Variants in KCNQ1 observed in about 807,000 individuals in gnomAD.
KCNQ1 encodes potassium voltage-gated channel subfamily KQT member 1.
KCNQ1 carries 49 observed loss-of-function variants against 72.4 expected under a neutral mutation model. The observed-to-expected ratio is 0.68, with a 90% CI of 0.54 to 0.86. The LOEUF (loss-of-function observed/expected upper bound fraction) is 0.86, where lower values mean the gene tolerates loss of function less well. Among genes scored for constraint, KCNQ1 ranks in the 40% least tolerant of loss-of-function variants. The pLI, the probability that KCNQ1 is intolerant of heterozygous loss-of-function variation, is 0.00. For synonymous variants in KCNQ1, 450 were observed against 412.6 expected (o/e 1.09, Z -1.10); for missense variants, 790 against 945.1 (o/e 0.84, Z 2.15).
At chr11:2,811,041 C>T (rs540577342) in intron 15 of KCNQ1, among the ~76,000 whole-genome samples, 1 of 152,340 alleles carries the variant, frequency 6.6e-6, no homozygotes, top group South Asian at 2.1e-4. Flanking sequence ...TTAGACTCAC[C>T]CCCGCCCAGT....
intron 2 of KCNQ1, among the ~76,000 whole-genome samples, chr11:2,539,312 G>T (rs976403822): frequency 1.3e-5 from 2 of 152,218 alleles, no homozygotes; most frequent in Non-Finnish European, 2.9e-5. Flanking sequence ...ACCTGCTGCT[G>T]CCTGAAGAGT....
rs1014181049 is a variant in KCNQ1 at position 2,803,425 on chromosome 11, C to T, written c.1794+25388C>T. 6.6e-6 allele frequency among the ~76,000 whole-genome samples: 1 copy of T among 152,186 alleles called. No individual in the cohort carries two copies. Among genetic ancestry groups the T allele is most frequent in the African/African-American group, 2.4e-5 (1 of 41,448 alleles). ...ATGATATTCCCTCCAGACCACGGTGCCTTCTGGGCTCTGGAGAATGCACCT... is the reference window on the plus strand; with the variant it reads ...ATGATATTCCCTCCAGACCACGGTGTCTTCTGGGCTCTGGAGAATGCACCT... On this transcript the variant is annotated intron_variant, in intron 15 of 15. Transcript: ENST00000155840. The surrounding 1 kb of genome is among the most constrained non-coding windows in gnomAD (Gnocchi z 6.4).
intron 11 of KCNQ1, chr11:2,686,624 C>G (rs1315810152): frequency 2.5e-6 from 1 of 398,526 alleles, no homozygotes; most frequent in Non-Finnish European, 4.4e-6. Flanking sequence ...AGCGTGGCTG[C>G]CCTCAGGCCC....
Position 2,682,912 on chromosome 11 carries a change from C to T in KCNQ1, c.1514+20831C>T. On this transcript the variant is annotated intron_variant, in intron 11 of 15. Coordinates refer to ENST00000155840, the MANE Select transcript of KCNQ1 (RefSeq NM_000218.3). This position sits in a 1 kb window ranked among gnomAD's most constrained non-coding sequence, Gnocchi z 5.8. ...TGTTCCCAGACAGAAAATGGTGGCA[C>T]CTGGAGAGGTGCTCAGGTCTGTGTG... 1 of 398,590 alleles carries T rather than the reference C, an allele frequency of 2.5e-6. No individual in the cohort carries two copies. The highest frequency in any genetic ancestry group is 4.4e-6 in the Non-Finnish European group (1 of 226,100). 24.7% of individuals were successfully genotyped at this position (398,590 alleles called of 1,614,324 possible).
chr11:2,521,059 T>C lies in KCNQ1; in HGVS notation c.387-6869T>C, dbSNP rs1028244684. Among the ~76,000 whole-genome samples, 2 of 152,232 alleles carry C rather than the reference T, an allele frequency of 1.3e-5. 1 individual carries two copies. Reference sequence around the variant, plus strand: ...TGCTTTAAAAAAAGTTTTTTTTTTATTGTGATAAAATACACATAACACACA... The same window carrying C: ...TGCTTTAAAAAAAGTTTTTTTTTTACTGTGATAAAATACACATAACACACA... On this transcript the variant is annotated intron_variant, in intron 1 of 15. Coordinates refer to ENST00000155840, the MANE Select transcript of KCNQ1 (RefSeq NM_000218.3).
chr11:2,494,146 C>T lies in KCNQ1; in HGVS notation c.387-33782C>T, dbSNP rs1846875046. Among the ~76,000 whole-genome samples the T allele has an allele frequency of 6.6e-6, 1 of 151,994 alleles. No homozygotes were observed. The highest frequency in any genetic ancestry group is 2.4e-5 in the African/African-American group (1 of 41,384). ...GATTCACTCATGATTTGGCTCTCTG[C>T]TTGTCTATTTTTGGTGTATAGGAAT... On this transcript the variant is annotated intron_variant, in intron 1 of 15. Transcript: ENST00000155840. This position sits in a 1 kb window ranked among gnomAD's most constrained non-coding sequence, Gnocchi z 4.6.
chr11:2,785,248 C>A lies in KCNQ1; in HGVS notation c.1794+7211C>A, dbSNP rs1412971345. Reference sequence around the variant, plus strand: ...CTCTTTCTGTGTCTAGTGAGATGGTCCTGTGGTTTTTATTCCTTATTCTAC... The same window carrying A: ...CTCTTTCTGTGTCTAGTGAGATGGTACTGTGGTTTTTATTCCTTATTCTAC... On this transcript the variant is annotated intron_variant, in intron 15 of 15. Transcript: ENST00000155840. This position sits in a 1 kb window ranked among gnomAD's most constrained non-coding sequence, Gnocchi z 4.4. Among the ~76,000 whole-genome samples, 2 of 151,772 alleles carry A rather than the reference C, an allele frequency of 1.3e-5. No individual in the cohort carries two copies. Among genetic ancestry groups the A allele is most frequent in the Non-Finnish European group, 2.9e-5 (2 of 67,798 alleles).
intron 15 of KCNQ1, among the ~76,000 whole-genome samples, chr11:2,810,726 G>C (rs531081916): frequency 6.6e-6 from 1 of 152,198 alleles, no homozygotes; most frequent in Non-Finnish European, 1.5e-5. Flanking sequence ...ATGTTTGCTC[G>C]GGATCTGTGC....
Position 2,550,145 on chromosome 11 carries a change from G to A in KCNQ1, c.478-20483G>A, listed in dbSNP as rs182759047. Among the ~76,000 whole-genome samples, 52 of 152,326 alleles carry A rather than the reference G, an allele frequency of 3.4e-4. No homozygotes were observed. Among genetic ancestry groups the A allele is most frequent in the Admixed American group, 4.6e-4 (7 of 15,310 alleles). Reference sequence around the variant, plus strand: ...TTGTCTGTAGAGAACCAGAGCTGCCGAGCCCCGGCCTGGATGGACATCCCG... The same window carrying A: ...TTGTCTGTAGAGAACCAGAGCTGCCAAGCCCCGGCCTGGATGGACATCCCG... On this transcript the variant is annotated intron_variant, in intron 2 of 15. Transcript: ENST00000155840. The surrounding 1 kb of genome is among the most constrained non-coding windows in gnomAD (Gnocchi z 6.0).
chr11:2,546,029 A>G (rs1328782268), intron 2 of KCNQ1, among the ~76,000 whole-genome samples: 1 of 151,772 alleles, frequency 6.6e-6, no homozygotes, highest in Non-Finnish European at 1.5e-5. Flanking sequence ...TATTCTGCCT[A>G]CTTAGTTTTA....
chr11:2,613,440 T>C lies in KCNQ1; in HGVS notation c.1393+24586T>C, dbSNP rs1849012569. 2 of 398,482 alleles carry C rather than the reference T, an allele frequency of 5.0e-6. No individual in the cohort carries two copies. The highest frequency in any genetic ancestry group is 3.6e-5 in the East Asian group (1 of 28,090). 24.7% of individuals were successfully genotyped at this position (398,482 alleles called of 1,614,324 possible). A position where few individuals can be genotyped will look rare whatever the true frequency, so the allele number is the denominator to read the frequency against. On this transcript the variant is annotated intron_variant, in intron 10 of 15. Coordinates refer to ENST00000155840, the MANE Select transcript of KCNQ1 (RefSeq NM_000218.3). The surrounding 1 kb of genome is among the most constrained non-coding windows in gnomAD (Gnocchi z 4.8). ...GCTTAACATAGTGCATAGGGTTTTC[T>C]ATGGAATTCAAAATCAGATGAGCCT...
intron 5 of KCNQ1, 110 bp downstream of exon 5, chr11:2,572,219 G>A: frequency 1.3e-6 from 1 of 787,780 alleles, no homozygotes; most frequent in Non-Finnish European, 2.1e-6. Flanking sequence ...GGGGGCCGGT[G>A]GGTGCCTGGG....
chr11:2,574,696 A>G (rs1315624506), intron 6 of KCNQ1, among the ~76,000 whole-genome samples: 1 of 152,040 alleles, frequency 6.6e-6, no homozygotes, highest in Non-Finnish European at 1.5e-5. Context: ...CGCTTCCCCC[A>G]TGAGGCCAGA....
rs182299185 is a variant in KCNQ1, at chr11:2,549,665, G to A, written c.478-20963G>A. Among the ~76,000 whole-genome samples, 1 of 152,122 alleles carries A rather than the reference G, an allele frequency of 6.6e-6. No individual in the cohort carries two copies. Among genetic ancestry groups the A allele is most frequent in the African/African-American group, 2.4e-5 (1 of 41,430 alleles). ...GGGGCCTCCTCCTCCCAAGCACCTG[G>A]GGTGGGAACAAGAGGCGTTTTGTGT... is the stretch of plus-strand genomic sequence containing the variant. On this transcript the variant is annotated intron_variant, in intron 2 of 15. Transcript: ENST00000155840. The surrounding 1 kb of genome is among the most constrained non-coding windows in gnomAD (Gnocchi z 6.2).
At chr11:2,448,843 G>C (rs1440720401) in intron 1 of KCNQ1, among the ~76,000 whole-genome samples, 1 of 152,194 alleles carries the variant, frequency 6.6e-6, no homozygotes, top group Non-Finnish European at 1.5e-5. Context: ...AGTGTTTCTA[G>C]ATCCGCTCTT....
In KCNQ1 at chr11:2,628,101, G is replaced by A. The variant is rs1205081321; in HGVS notation, c.1394-33860G>A. 1.0e-5 allele frequency: 4 copies of A among 398,496 alleles called. No homozygotes were observed. The East Asian group carries it at 1.1e-4, about 11-fold the overall frequency. 24.7% of individuals were successfully genotyped at this position (398,496 alleles called of 1,614,324 possible). ...TACTGTAACACTACAATGAACATGG[G>A]AGTGCAGATACCTCTTCAAGATACT... On this transcript the variant is annotated intron_variant, in intron 10 of 15. Coordinates refer to ENST00000155840, the MANE Select transcript of KCNQ1 (RefSeq NM_000218.3).
intron 10 of KCNQ1, chr11:2,619,761 G>C (rs1849133761): frequency 2.5e-6 from 1 of 397,762 alleles, no homozygotes; most frequent in Non-Finnish European, 4.4e-6. Flanking sequence ...TTTTGGAAGA[G>C]TTTAAGAAGT....
Position 2,803,304 on chromosome 11 carries a change from T to A in KCNQ1, c.1794+25267T>A, listed in dbSNP as rs950151322. ...ATAGGGCCCCGGAGTCAGCAAGGGC[T>A]TCCTGGGGGCCCAGGTCAGCCTGGA... On this transcript the variant is annotated intron_variant, in intron 15 of 15. Coordinates refer to ENST00000155840, the MANE Select transcript of KCNQ1 (RefSeq NM_000218.3). The surrounding 1 kb of genome is among the most constrained non-coding windows in gnomAD (Gnocchi z 6.4). Among the ~76,000 whole-genome samples, 6 of 152,298 alleles carry A rather than the reference T, an allele frequency of 3.9e-5. No individual in the cohort carries two copies. The highest frequency in any genetic ancestry group is 1.4e-4 in the African/African-American group (6 of 41,586).
Position 2,745,511 on chromosome 11 carries a change from G to C in KCNQ1, c.1515-23333G>C, listed in dbSNP as rs1238063991. Among the ~76,000 whole-genome samples the C allele has an allele frequency of 2.0e-5, 3 of 152,182 alleles. No individual in the cohort carries two copies. Among genetic ancestry groups the C allele is most frequent in the Non-Finnish European group, 4.4e-5 (3 of 68,046 alleles). ...ATACTTTCTATCAGCTCTATTGATTGATCTTTTGATCCTGCTGATTGTCTA... is the reference window on the plus strand; with the variant it reads ...ATACTTTCTATCAGCTCTATTGATTCATCTTTTGATCCTGCTGATTGTCTA... On this transcript the variant is annotated intron_variant, in intron 11 of 15. Transcript: ENST00000155840. The surrounding 1 kb of genome is among the most constrained non-coding windows in gnomAD (Gnocchi z 6.2).
Sources: allele counts gnomAD v4.1 joint callset (sites outside exome capture counted in the v4.1 genomes callset), GRCh38; gene constraint gnomAD v4.1.1; non-coding constraint Gnocchi (gnomAD v3.1); transcripts MANE v1.5; gene names NCBI Gene and HGNC (gene_info 2026-07-23, HGNC 2026-07-21).